Variants in DPP6 observed in about 807,000 individuals in gnomAD.
The protein encoded by DPP6 is dipeptidyl peptidase like 6.
A neutral mutation model predicts 122.6 loss-of-function variants in DPP6; 69 were observed. The observed-to-expected ratio is 0.56, with a 90% CI of 0.46 to 0.69. The LOEUF is 0.69. Ranked by LOEUF, DPP6 falls within the 30% of genes least tolerant of loss-of-function variation. The probability of loss-of-function intolerance (pLI) is 0.00; values close to 1 mark genes in which losing one functional copy is unlikely to be tolerated. For missense variants in DPP6, 928 were observed against 1,116.9 expected (o/e 0.83, Z 2.41); for synonymous variants, 418 against 433.1 (o/e 0.97, Z 0.43).
intron 1 of DPP6, among the ~76,000 whole-genome samples, chr7:154,219,311 G>A (rs1800174230): frequency 1.3e-5 from 2 of 152,130 alleles, no homozygotes; most frequent in African/African-American, 4.8e-5. Context: ...GCCTACTCAG[G>A]CAGTAGTGGG....
chr7:154,230,156 C>T (rs1800838542), intron 1 of DPP6, among the ~76,000 whole-genome samples: 1 of 152,090 alleles, frequency 6.6e-6, no homozygotes, highest in Non-Finnish European at 1.5e-5. Context: ...ACCCCTCCCT[C>T]CTATCCTCTC....
chr7:153,755,107 C>G, the DPP6 span, among the ~76,000 whole-genome samples: 1 of 152,080 alleles, frequency 6.6e-6, no homozygotes. Context: ...GGGCATCATG[C>G]TTGTTGTGGA....
intron 16 of DPP6, among the ~76,000 whole-genome samples, chr7:154,843,634 A>G (rs2150556966): frequency 6.6e-6 from 1 of 152,370 alleles, no homozygotes; most frequent in Middle Eastern, 3.4e-3. Flanking sequence ...AGCCGAGTGC[A>G]GTACCAGGCA....
At chr7:154,091,136 T>C (rs1050317898) in intron 1 of DPP6, among the ~76,000 whole-genome samples, 3 of 145,780 alleles carry the variant, frequency 2.1e-5, no homozygotes. Context: ...AAAAAAAAAA[T>C]CAATTCTGTG....
intron 1 of DPP6, among the ~76,000 whole-genome samples, chr7:154,090,647 C>T (rs1382612727): frequency 1.3e-5 from 2 of 151,780 alleles, no homozygotes. Flanking sequence ...TGCTTCTGGT[C>T]CGTTGAGCTG....
chr7:154,441,972 A>G (rs1819415745), intron 1 of DPP6, among the ~76,000 whole-genome samples: 1 of 152,246 alleles, frequency 6.6e-6, no homozygotes, highest in Non-Finnish European at 1.5e-5. Flanking sequence ...AAGTATGAGC[A>G]GCAGTGATGT....
At chr7:153,857,713 A>T in the DPP6 span, among the ~76,000 whole-genome samples, 2 of 152,228 alleles carry the variant, frequency 1.3e-5, no homozygotes, top group Non-Finnish European at 2.9e-5. Context: ...TTAGAATATA[A>T]ACACATATCT....
intron 1 of DPP6, among the ~76,000 whole-genome samples, chr7:153,953,140 A>G (rs553914631): frequency 6.6e-6 from 1 of 152,274 alleles, no homozygotes; most frequent in East Asian, 1.9e-4. Context: ...CAATACTACC[A>G]TTATCTTTTA....
rs193030324 is a variant in DPP6, at chr7:154,717,215, T to C, written c.763-10552T>C. 2.2e-4 allele frequency among the ~76,000 whole-genome samples: 33 copies of C among 152,338 alleles called. No homozygotes were observed. In the East Asian group the frequency reaches 5.8e-3, roughly 27 times the overall value. On this transcript the variant is annotated intron_variant, in intron 7 of 25. Coordinates refer to ENST00000377770, the MANE Select transcript of DPP6 (RefSeq NM_130797.4). ...GATTCATCAGCTCGAACATTTATCA[T>C]TTATTTGTGGTAAGAACACACAAAA...
At chr7:154,090,990 G>T (rs1173221175) in intron 1 of DPP6, among the ~76,000 whole-genome samples, 2 of 151,014 alleles carry the variant, frequency 1.3e-5, no homozygotes, top group Admixed American at 1.3e-4. Flanking sequence ...GCGTGGTGGC[G>T]GGTGCCTGTA....
At chr7:153,998,399 ACAT>A (rs1797541033) in intron 1 of DPP6, among the ~76,000 whole-genome samples, 1 of 152,216 alleles carries the variant, frequency 6.6e-6, no homozygotes, top group African/African-American at 2.4e-5. Context: ...AAGTTGATCC[ACAT>A]CCTATCTTTA....
chr7:154,677,386 G>A (rs1381797980), intron 7 of DPP6, among the ~76,000 whole-genome samples: 2 of 149,272 alleles, frequency 1.3e-5, no homozygotes, highest in African/African-American at 5.0e-5. Context: ...AATTGGAGTT[G>A]AGGGGTTTTT....
At chr7:154,261,543 C>T (rs1481412164) in intron 1 of DPP6, among the ~76,000 whole-genome samples, 1 of 152,094 alleles carries the variant, frequency 6.6e-6, no homozygotes, top group African/African-American at 2.4e-5. Flanking sequence ...ATAGCTGGGA[C>T]TTAATTAAAC....
intron 5 of DPP6, among the ~76,000 whole-genome samples, chr7:154,586,603 C>T (rs1245605788): frequency 6.6e-6 from 1 of 152,188 alleles, no homozygotes; most frequent in Non-Finnish European, 1.5e-5. Flanking sequence ...CTGATGGCAC[C>T]ATCCATGTGT....
chr7:154,110,627 T>G (rs1453458467), intron 1 of DPP6, among the ~76,000 whole-genome samples: 1 of 152,058 alleles, frequency 6.6e-6, no homozygotes, highest in Non-Finnish European at 1.5e-5. Context: ...GGATGGAGGC[T>G]TTGGCAATGT....
intron 1 of DPP6, among the ~76,000 whole-genome samples, chr7:154,256,998 C>CTTTTTTTT (rs66710949): frequency 5.6e-4 from 75 of 132,832 alleles, no homozygotes; most frequent in Non-Finnish European, 1.0e-3. Flanking sequence ...TCTTCTTCTT[C>CTTTTTTTT]TTTTTTTTTT....
chr7:154,719,671 G>C (rs1328791527), intron 7 of DPP6, among the ~76,000 whole-genome samples: 1 of 152,210 alleles, frequency 6.6e-6, no homozygotes. Flanking sequence ...GCATTGGACA[G>C]GGCCCTCCGT....
chr7:154,024,229 A>G (rs1188765192), intron 1 of DPP6, among the ~76,000 whole-genome samples: 4 of 152,234 alleles, frequency 2.6e-5, no homozygotes, highest in African/African-American at 7.2e-5. Context: ...AATAGTATCA[A>G]TCCACAAATT....
intron 1 of DPP6, among the ~76,000 whole-genome samples, chr7:153,975,804 G>A (rs965182753): frequency 1.3e-5 from 2 of 152,190 alleles, no homozygotes; most frequent in Non-Finnish European, 2.9e-5. Flanking sequence ...AGACTTTGAA[G>A]TCAAAAAGCT....
Sources: allele counts gnomAD v4.1 joint callset (sites outside exome capture counted in the v4.1 genomes callset), GRCh38; gene constraint gnomAD v4.1.1; transcripts MANE v1.5; gene names NCBI Gene and HGNC (gene_info 2026-07-23, HGNC 2026-07-21).